UBR4: variants seen among roughly 807,000 people sequenced by gnomAD.
The protein encoded by UBR4 is E3 ubiquitin-protein ligase UBR4.
Under a neutral mutation model 575.6 loss-of-function variants are expected in UBR4, and 124 were observed. That is an observed-to-expected ratio of 0.22 (90% confidence interval 0.19 to 0.25). UBR4 has a LOEUF of 0.25. UBR4 is among the 10% of genes least tolerant of loss of function. The pLI is 1.00. For missense variants in UBR4, 4,818 were observed against 6,478.8 expected (o/e 0.74, Z 8.80); for synonymous variants, 2,455 against 2,473.7 (o/e 0.99, Z 0.22).
At position 19,121,958 on chromosome 1, in the gene UBR4, G is replaced by A. The variant is rs1315673851; in HGVS notation, c.9871C>T (p.Gln3291Ter). The change falls in exon 67 of 106, where the codon CAG (glutamine) becomes TAG (stop). Residue 3291 changes from glutamine to a stop codon, truncating the protein, a stop_gained. Coordinates refer to ENST00000375254, the MANE Select transcript of UBR4 (RefSeq NM_020765.3). LOFTEE classifies it high-confidence loss of function. ...CAGTCATCTTTGATGCAGAATTTCTGCCAGTTGATGGTTCGCTGGGCGGCA... is the reference window on the plus strand; with the variant it reads ...CAGTCATCTTTGATGCAGAATTTCTACCAGTTGATGGTTCGCTGGGCGGCA... ...EIAAQRTINW[Q>*]KFCIKDDSVL... is the part of the protein sequence containing the mutation. The A allele has an allele frequency of 6.2e-7, 1 of 1,614,172 alleles. No individual in the cohort carries two copies. The highest frequency in any genetic ancestry group is 8.5e-7 in the Non-Finnish European group (1 of 1,180,008).
In UBR4 at chr1:19,124,525, TG is replaced by T; in HGVS notation, c.9588+15del. ...TCCTCAGCCCAACAAGCATGCAGCT[TG>T]GGACTTTCACTTACCTCGGAGAGAA... On this transcript the variant is annotated intron_variant, in intron 65 of 105. Coordinates refer to ENST00000375254, the MANE Select transcript of UBR4 (RefSeq NM_020765.3). The T allele has an allele frequency of 1.2e-6, 2 of 1,613,718 alleles. No individual in the cohort carries two copies. The highest frequency in any genetic ancestry group is 1.7e-6 in the Non-Finnish European group (2 of 1,179,704).
In UBR4 at chr1:19,110,636, C is replaced by T; in HGVS notation, c.11892+106G>A. 7.1e-7 allele frequency: 1 copy of T among 1,408,762 alleles called. No individual in the cohort carries two copies. The highest frequency in any genetic ancestry group is 1.7e-5 in the Admixed American group (1 of 59,260). 87.3% of individuals were successfully genotyped at this position (1,408,762 alleles called of 1,614,324 possible). A position where few individuals can be genotyped will look rare whatever the true frequency, so the allele number is the denominator to read the frequency against. ...AAAACCATTCTGGGGTAATGTTCTG[C>T]TCCTTCCCTCCTCAGTCACCGCAGG... On this transcript the variant is annotated intron_variant, in intron 79 of 105. Transcript: ENST00000375254. This position sits in a 1 kb window ranked among gnomAD's most constrained non-coding sequence, Gnocchi z 4.5.
intron 51 of UBR4, among the ~76,000 whole-genome samples, chr1:19,147,502 C>G (rs1487316808): frequency 6.6e-6 from 1 of 152,136 alleles, no homozygotes; most frequent in South Asian, 2.1e-4. Context: ...AGAAATTGGC[C>G]CAGTTTGTCT....
Position 19,164,369 on chromosome 1 carries a change from G to T in UBR4, c.4584C>A (p.Asn1528Lys). ...LTPMATEMLA[N>K]GDGTGFPELM... The stretch of plus-strand genomic sequence containing the variant: ...GTTCAGGGAAGCCAGTCCCATCACC[G>T]TTGGCCAGCATCTCTGTTGCCATGG... The change falls in exon 33 of 106, where the codon AAC (asparagine) becomes AAA (lysine). Residue 1528 changes from asparagine to lysine, a missense_variant. Around this residue, in one of 29 missense-constraint regions of UBR4, gnomAD observed 1,172 missense variants for 1,259.7 expected, o/e 0.93. Coordinates refer to ENST00000375254, the MANE Select transcript of UBR4 (RefSeq NM_020765.3). The T allele has an allele frequency of 6.2e-7, 1 of 1,614,166 alleles. No individual in the cohort carries two copies. The highest frequency in any genetic ancestry group is 8.5e-7 in the Non-Finnish European group (1 of 1,180,030).
intron 100 of UBR4, 46 bp downstream of exon 100, chr1:19,086,633 C>T (rs1345966660): frequency 1.9e-6 from 3 of 1,604,864 alleles, no homozygotes; most frequent in Non-Finnish European, 2.6e-6. Context: ...TCCAGGCCCA[C>T]AGGCAGGCCT....
chr1:19,175,677 C>A (rs765834912), intron 20 of UBR4, among the ~76,000 whole-genome samples: 2 of 152,226 alleles, frequency 1.3e-5, no homozygotes, highest in Middle Eastern at 3.4e-3. Flanking sequence ...TACATTAGAA[C>A]CACAACTCTA....
At chr1:19,095,115 C>T in intron 93 of UBR4, 90 bp from the exon 94 acceptor site, 3 of 1,584,460 alleles carry the variant, frequency 1.9e-6, no homozygotes, top group African/African-American at 1.3e-5. Context: ...CCCTCACAGC[C>T]TTACTCCCCA....
intron 102 of UBR4, 121 bp from the exon 103 acceptor site, chr1:19,081,694 T>A: frequency 9.3e-7 from 1 of 1,074,468 alleles, no homozygotes; most frequent in Non-Finnish European, 1.4e-6. Flanking sequence ...CTTGGATGAC[T>A]CAACACTCCC....
intron 8 of UBR4, 126 bp downstream of exon 8, chr1:19,197,015 G>A (rs1305100806): frequency 1.7e-5 from 20 of 1,184,912 alleles, no homozygotes; most frequent in Admixed American, 7.3e-5. Flanking sequence ...TTGATGCGAC[G>A]TTAGATGATC....
chr1:19,190,310 A>T (rs372535908), intron 11 of UBR4, among the ~76,000 whole-genome samples: 218 of 77,992 alleles, frequency 2.8e-3, no homozygotes, highest in East Asian at 8.8e-3. Flanking sequence ...AAAAAAAAAA[A>T]AAATATATAT....
chr1:19,084,480 G>GT (rs2076819336), intron 102 of UBR4, 24 bp downstream of exon 102: 3 of 1,580,328 alleles, frequency 1.9e-6, no homozygotes, highest in Non-Finnish European at 2.6e-6. Context: ...GCGAGATGCC[G>GT]CCCCTGGGAC....
In UBR4 at chr1:19,112,802, T is replaced by C; in HGVS notation, c.11523A>G (p.Lys3841=). 1 of 1,614,112 alleles carries C rather than the reference T, an allele frequency of 6.2e-7. No homozygotes were observed. Among genetic ancestry groups the C allele is most frequent in the Non-Finnish European group, 8.5e-7 (1 of 1,179,974 alleles). The change falls in exon 78 of 106, where the codon AAA becomes AAG. Residue 3841 remains lysine, a synonymous_variant. Transcript: ENST00000375254. ...YDLQQREAAT[K]SSRTSVQPTF... is the part of the protein sequence containing the mutation. ...TGGGCTGCACGGAGGTCCGGGATGA[T>C]TTAGTGGCTGCTTCCCTCTGCTGTA...
chr1:19,112,094 G>A (rs1425791349), intron 78 of UBR4: 1 of 155,746 alleles, frequency 6.4e-6, no homozygotes, highest in Non-Finnish European at 1.4e-5. Context: ...CACAGACTCA[G>A]AGAAATTAAG....
intron 94 of UBR4, among the ~76,000 whole-genome samples, 161 bp downstream of exon 94, chr1:19,094,745 G>A (rs554726128): frequency 2.0e-5 from 3 of 152,312 alleles, no homozygotes; most frequent in Non-Finnish European, 2.9e-5. Context: ...TTCACATTTC[G>A]ATACAATTAT....
chr1:19,169,603 A>G (rs553912750), intron 26 of UBR4, 71 bp from the exon 27 acceptor site: 4 of 1,313,844 alleles, frequency 3.0e-6, no homozygotes, highest in African/African-American at 2.9e-5. Context: ...TTAAAAGCCA[A>G]GCCCAAATGC....
rs746571838 is a variant in UBR4, at chr1:19,118,960, G to A, written c.10456-3C>T. 2.5e-6 allele frequency: 4 copies of A among 1,613,950 alleles called. No homozygotes were observed. The highest frequency in any genetic ancestry group is 3.4e-6 in the Non-Finnish European group (4 of 1,179,856). ...GCCTTCTGTGAATACTCCTTCAACT[G>A]AAACAGAATTCAGTAAAGAAACAAC... On this transcript the variant is annotated splice_polypyrimidine_tract_variant and splice_region_variant and intron_variant, in intron 70 of 105. Coordinates refer to ENST00000375254, the MANE Select transcript of UBR4 (RefSeq NM_020765.3).
intron 60 of UBR4, among the ~76,000 whole-genome samples, chr1:19,129,405 C>T (rs1198607654): frequency 2.0e-5 from 3 of 152,178 alleles, no homozygotes; most frequent in African/African-American, 4.8e-5. Context: ...ACCAAACCTC[C>T]AACTGCAAGA....
intron 101 of UBR4, 67 bp downstream of exon 101, chr1:19,086,078 A>G (rs2076983155): frequency 1.3e-6 from 2 of 1,575,956 alleles, no homozygotes; most frequent in African/African-American, 1.3e-5. Context: ...GATTGGGCTG[A>G]TAGCGGGTCT....
chr1:19,080,015 C>T (rs2076330042), intron 103 of UBR4: 1 of 152,214 alleles, frequency 6.6e-6, no homozygotes, highest in South Asian at 2.1e-4. Flanking sequence ...ATGCTAGTCT[C>T]CTAAGTGAGA....
Sources: allele counts gnomAD v4.1 joint callset (sites outside exome capture counted in the v4.1 genomes callset), GRCh38; gene constraint gnomAD v4.1.1; regional missense constraint gnomAD v4.1.1; non-coding constraint Gnocchi (gnomAD v3.1); transcripts MANE v1.5; gene names NCBI Gene and HGNC (gene_info 2026-07-23, HGNC 2026-07-21).